GGTA1: variants seen among roughly 807,000 people sequenced by gnomAD.
GGTA1 encodes glycoprotein alpha-galactosyltransferase 1 (inactive).
GGTA1 carries 5 observed loss-of-function variants against 2.6 expected under a neutral mutation model. That is an observed-to-expected ratio of 1.92 (90% confidence interval 1.00 to 4.04). The LOEUF (loss-of-function observed/expected upper bound fraction) is 4.04, where lower values mean the gene tolerates loss of function less well. GGTA1 is among the 30% of genes most tolerant of loss of function. The probability of loss-of-function intolerance (pLI) is 0.00; values close to 1 mark genes in which losing one functional copy is unlikely to be tolerated. For missense variants in GGTA1, 50 were observed against 16.7 expected (o/e 2.99, Z -3.47); for synonymous variants, 17 against 5.0 (o/e 3.38, Z -3.19).
chr9:121,449,829 G>T (rs1478590264), intron 7 of GGTA1, among the ~76,000 whole-genome samples: 1 of 89,806 alleles, frequency 1.1e-5, no homozygotes, highest in African/African-American at 4.4e-5. Flanking sequence ...GACAGAGCAA[G>T]ACTCCATCTC....
rs536694275 is a variant in GGTA1 at position 121,492,503 on chromosome 9, C to G, written c.-10+7147G>C. Among the ~76,000 whole-genome samples, 16 of 152,100 alleles carry G rather than the reference C, an allele frequency of 1.1e-4. 1 individual carries two copies. The South Asian group carries it at 3.3e-3, about 32-fold the overall frequency. On this transcript the variant is annotated intron_variant, in intron 1 of 5. Transcript: ENST00000481799. ...TTATTTTATTTTTGAGACGGAGTTTCGCTCTTGTTACCCAGGCTGGAGTGC... is the reference window on the plus strand; with the variant it reads ...TTATTTTATTTTTGAGACGGAGTTTGGCTCTTGTTACCCAGGCTGGAGTGC...
chr9:121,454,008 C>T (rs1330039242), downstream of GGTA1, among the ~76,000 whole-genome samples: 1 of 152,166 alleles, frequency 6.6e-6, no homozygotes, highest in East Asian at 1.9e-4. Flanking sequence ...CAGATTCCAC[C>T]ACAGCTGGAA....
chr9:121,491,482 C>A (rs953008277), intron 1 of GGTA1, among the ~76,000 whole-genome samples: 1 of 152,342 alleles, frequency 6.6e-6, no homozygotes. Context: ...CCGGTTCCCC[C>A]TATAACTCCT....
At chr9:121,470,350 C>A (rs4837860) in intron 1 of GGTA1, among the ~76,000 whole-genome samples, 78,241 of 151,542 alleles carry the variant, frequency 0.52, 20,738 homozygotes, top group South Asian at 0.66. Flanking sequence ...ACAATTGTAG[C>A]ATTTTCTGAG....
chr9:121,497,098 T>G (rs1829010931), intron 1 of GGTA1, among the ~76,000 whole-genome samples: 2 of 151,734 alleles, frequency 1.3e-5, no homozygotes, highest in Non-Finnish European at 2.9e-5. Flanking sequence ...GAGGCTGAGG[T>G]GGGAGGATTG....
intron 7 of GGTA1, among the ~76,000 whole-genome samples, chr9:121,449,193 C>A (rs2064866339): frequency 6.6e-6 from 1 of 152,164 alleles, no homozygotes; most frequent in East Asian, 1.9e-4. Context: ...TTCTATTCAC[C>A]TACCAAAGGA....
At chr9:121,446,454 A>T (rs2064852658) in exon 8 of GGTA1, 1 of 152,250 alleles carries the variant, frequency 6.6e-6, no homozygotes, top group South Asian at 2.1e-4. Context: ...TGCCAAGGCA[A>T]ATGGTGTCTT....
chr9:121,485,539 T>C (rs1828740020), intron 1 of GGTA1, among the ~76,000 whole-genome samples: 1 of 152,134 alleles, frequency 6.6e-6, no homozygotes. Context: ...GTTGCCAAAA[T>C]GTAGTCAGTG....
intron 1 of GGTA1, chr9:121,494,783 T>C (rs1467094539): frequency 6.6e-6 from 1 of 152,472 alleles, no homozygotes; most frequent in Non-Finnish European, 1.5e-5. Context: ...GAATAGCCAC[T>C]GTACCCCAGC....
At chr9:121,462,332 T>TA (rs56237638) in intron 3 of GGTA1, among the ~76,000 whole-genome samples, 50,015 of 150,390 alleles carry the variant, frequency 0.33, 8,625 homozygotes, top group Middle Eastern at 0.41. Context: ...CTCAGAAAAT[T>TA]AAAAAAAAAT....
intron 4 of GGTA1, 131 bp downstream of exon 4, chr9:121,461,121 T>G (rs537473151): frequency 2.8e-6 from 1 of 352,930 alleles, no homozygotes; most frequent in Admixed American, 4.0e-5. Context: ...TCACAAAATA[T>G]TCTTCATATA....
intron 2 of GGTA1, among the ~76,000 whole-genome samples, chr9:121,465,010 A>AC (rs1281291704): frequency 3.9e-5 from 6 of 151,934 alleles, no homozygotes; most frequent in East Asian, 1.9e-4. Context: ...ACAAACAAAA[A>AC]AAAAAAAACA....
intron 1 of GGTA1, among the ~76,000 whole-genome samples, chr9:121,496,255 A>G (rs1002994417): frequency 3.9e-5 from 6 of 152,206 alleles, no homozygotes; most frequent in Non-Finnish European, 2.9e-5. Flanking sequence ...TATTTTTCAC[A>G]TAACATATTA....
At chr9:121,454,273 A>T (rs992647506), downstream of GGTA1, among the ~76,000 whole-genome samples, 2 of 152,146 alleles carry the variant, frequency 1.3e-5, no homozygotes, top group African/African-American at 4.8e-5. Context: ...GGCACCCACC[A>T]CGTACACTTT....
chr9:121,464,164 C>A (rs1321629212), intron 2 of GGTA1, among the ~76,000 whole-genome samples: 2 of 152,194 alleles, frequency 1.3e-5, no homozygotes. Flanking sequence ...AACATGTATT[C>A]ATGCTTTAAG....
intron 5 of GGTA1, among the ~76,000 whole-genome samples, chr9:121,456,363 T>C (rs751950052): frequency 3.0e-4 from 46 of 152,124 alleles, no homozygotes; most frequent in Non-Finnish European, 5.9e-4. Context: ...TTTTAAATTT[T>C]ATATATTTAT....
At chr9:121,495,610 A>T (rs916853315) in intron 1 of GGTA1, among the ~76,000 whole-genome samples, 3 of 152,194 alleles carry the variant, frequency 2.0e-5, no homozygotes, top group Non-Finnish European at 4.4e-5. Flanking sequence ...CCTATCAGCA[A>T]TCTAGCTTGC....
At chr9:121,450,838 C>T (rs765270054), downstream of GGTA1, among the ~76,000 whole-genome samples, 9 of 152,320 alleles carry the variant, frequency 5.9e-5, no homozygotes, top group Non-Finnish European at 8.8e-5. Flanking sequence ...TCAGCACATT[C>T]AGTGACATTA....
chr9:121,449,955 A>T (rs1259116154), intron 7 of GGTA1, among the ~76,000 whole-genome samples: 1 of 152,206 alleles, frequency 6.6e-6, no homozygotes, highest in Non-Finnish European at 1.5e-5. Context: ...ATTACCAGGA[A>T]GAGGAAGAAT....
Sources: allele counts gnomAD v4.1 joint callset (sites outside exome capture counted in the v4.1 genomes callset), GRCh38; gene constraint gnomAD v4.1.1; transcripts MANE v1.5; gene names NCBI Gene and HGNC (gene_info 2026-07-23, HGNC 2026-07-21).